The following TRIM33 variants were observed in gnomAD, a reference collection of about 807,000 sequenced individuals.
TRIM33 encodes the protein E3 ubiquitin-protein ligase TRIM33.
Under a neutral mutation model 125.4 loss-of-function variants are expected in TRIM33, and 20 were observed. That is an observed-to-expected ratio of 0.16 (90% CI 0.11 to 0.23). TRIM33 has a LOEUF of 0.23. TRIM33 is among the 10% of genes least tolerant of loss of function. The probability of loss-of-function intolerance (pLI) is 1.00; values close to 1 mark genes in which losing one functional copy is unlikely to be tolerated. For synonymous variants in TRIM33, 564 were observed against 513.9 expected (o/e 1.10, Z -1.32); for missense variants, 920 against 1,411.4 (o/e 0.65, Z 5.58).
intron 1 of TRIM33, among the ~76,000 whole-genome samples, chr1:114,494,923 G>C (rs980199607): frequency 6.6e-6 from 1 of 152,088 alleles, no homozygotes; most frequent in African/African-American, 2.4e-5. Flanking sequence ...TGTTGTTGTT[G>C]TTGTTATTGT....
chr1:114,408,378 G>A (rs1652381441), intron 13 of TRIM33, among the ~76,000 whole-genome samples: 1 of 152,072 alleles, frequency 6.6e-6, no homozygotes, highest in Non-Finnish European at 1.5e-5. Flanking sequence ...ATTAAAGAAT[G>A]AGTTGTTAAA....
rs1652399748 is a variant in TRIM33, at chr1:114,408,706, T to C, written c.2229A>G (p.Pro743=). 2 of 1,605,068 alleles carry C rather than the reference T, an allele frequency of 1.2e-6. No homozygotes were observed. The highest frequency in any genetic ancestry group is 1.7e-6 in the Non-Finnish European group (2 of 1,175,232). Reference sequence around the variant, plus strand: ...CTCGACTGCCAGTACTAGAAGTACTTGGGGGTCTCACAGGTGTGTGAGAAT... The same window carrying C: ...CTCGACTGCCAGTACTAGAAGTACTCGGGGGTCTCACAGGTGTGTGAGAAT... The part of the protein sequence containing the change: ...LSNSHTPVRP[P]STSSTGSRGS... Residue 743 remains proline (P), a synonymous_variant, in exon 13 of 20, where the codon CCA becomes CCG. Transcript: ENST00000358465.
intron 1 of TRIM33, among the ~76,000 whole-genome samples, chr1:114,507,352 T>A (rs1337073760): frequency 1.3e-5 from 2 of 152,138 alleles, no homozygotes; most frequent in Admixed American, 1.3e-4. Context: ...GGAACCACAC[T>A]CTGAGAACTG....
chr1:114,447,770 A>G (rs1251548890), intron 4 of TRIM33, among the ~76,000 whole-genome samples: 1 of 152,272 alleles, frequency 6.6e-6, no homozygotes, highest in Non-Finnish European at 1.5e-5. Context: ...AGCCAAGTAC[A>G]TAAATGTGTT....
intron 4 of TRIM33, among the ~76,000 whole-genome samples, chr1:114,445,221 T>A (rs530716178): frequency 6.6e-6 from 1 of 152,232 alleles, no homozygotes; most frequent in East Asian, 1.9e-4. Flanking sequence ...GTAACTGAAG[T>A]CCTAGGAGAC....
chr1:114,405,970 A>G (rs1652205147), intron 14 of TRIM33, among the ~76,000 whole-genome samples: 1 of 152,314 alleles, frequency 6.6e-6, no homozygotes, highest in Non-Finnish European at 1.5e-5. Flanking sequence ...CTCCTCTGAT[A>G]ATGTCTCACT....
chr1:114,408,829 A>T, intron 12 of TRIM33, 89 bp from the exon 13 acceptor site: 1 of 896,038 alleles, frequency 1.1e-6, no homozygotes, highest in Non-Finnish European at 1.7e-6. Context: ...GATTATTATA[A>T]CCCAGCTAAA....
chr1:114,481,260 T>C (rs914441917), intron 1 of TRIM33, among the ~76,000 whole-genome samples: 3 of 152,160 alleles, frequency 2.0e-5, no homozygotes, highest in East Asian at 1.9e-4. Flanking sequence ...ATACATCAGA[T>C]ACATGTAACA....
At chr1:114,412,760 G>A (rs1467178790) in intron 11 of TRIM33, among the ~76,000 whole-genome samples, 1 of 152,030 alleles carries the variant, frequency 6.6e-6, no homozygotes, top group East Asian at 1.9e-4. Flanking sequence ...ATTTGCAGGT[G>A]GATATTTGGG....
In TRIM33 at chr1:114,511,024, C is replaced by A; in HGVS notation, c.53G>T (p.Gly18Val). 7.6e-7 allele frequency: 1 copy of A among 1,319,174 alleles called. No individual in the cohort carries two copies. Among genetic ancestry groups the A allele is most frequent in the Non-Finnish European group, 9.7e-7 (1 of 1,033,934 alleles). 81.7% of individuals were successfully genotyped at this position (1,319,174 alleles called of 1,614,324 possible). Reference sequence around the variant, plus strand: ...GGCCCCGGCAGTTACCGGCGCGCTGCCGCTGCCCCCGCCGCCGCTCTCAGC... The same window carrying A: ...GGCCCCGGCAGTTACCGGCGCGCTGACGCTGCCCCCGCCGCCGCTCTCAGC... ...GEAESGGGGSGSAPVTAGAAG... is the reference protein window; with the variant it reads ...GEAESGGGGSVSAPVTAGAAG... Residue 18 changes from glycine to valine, a missense_variant, in exon 1 of 20, where the codon GGC becomes GTC. By Grantham distance (109) the Gly-to-Val change is moderately radical. Transcript: ENST00000358465.
intron 8 of TRIM33, 112 bp downstream of exon 8, chr1:114,427,065 A>C (rs1327040658): frequency 5.5e-6 from 3 of 543,692 alleles, no homozygotes; most frequent in Non-Finnish European, 1.0e-5. Context: ...TTTACATAAA[A>C]TGTAAAACAT....
chr1:114,432,041 TA>T (rs940337639), intron 5 of TRIM33, among the ~76,000 whole-genome samples: 3 of 152,134 alleles, frequency 2.0e-5, no homozygotes, highest in Non-Finnish European at 2.9e-5. Context: ...AAATGTACAT[TA>T]AAAAATAATG....
chr1:114,499,783 C>T (rs1021603983), intron 1 of TRIM33, among the ~76,000 whole-genome samples: 1 of 152,084 alleles, frequency 6.6e-6, no homozygotes. Context: ...AATGAGCAGG[C>T]AGAAGCAAGC....
chr1:114,494,667 A>G (rs1212637957), intron 1 of TRIM33, among the ~76,000 whole-genome samples: 1 of 152,198 alleles, frequency 6.6e-6, no homozygotes, highest in African/African-American at 2.4e-5. Flanking sequence ...AACTACAAAA[A>G]ATGATATTCA....
At chr1:114,503,457 G>A (rs999546922) in intron 1 of TRIM33, among the ~76,000 whole-genome samples, 1 of 152,072 alleles carries the variant, frequency 6.6e-6, no homozygotes, top group Non-Finnish European at 1.5e-5. Flanking sequence ...CAGTGTGGGT[G>A]ACAAAGCAAG....
chr1:114,462,266 T>C (rs1220925053), intron 4 of TRIM33, among the ~76,000 whole-genome samples: 2 of 152,192 alleles, frequency 1.3e-5, no homozygotes, highest in Non-Finnish European at 2.9e-5. Context: ...GATTACTGTA[T>C]CCCCTCTTTA....
At chr1:114,451,851 T>A (rs938499948) in intron 4 of TRIM33, among the ~76,000 whole-genome samples, 1 of 152,124 alleles carries the variant, frequency 6.6e-6, no homozygotes, top group Non-Finnish European at 1.5e-5. Context: ...AGCAATTATT[T>A]TAATTTAAAC....
At chr1:114,475,347 C>A (rs1333443666) in intron 1 of TRIM33, among the ~76,000 whole-genome samples, 1 of 152,170 alleles carries the variant, frequency 6.6e-6, no homozygotes, top group African/African-American at 2.4e-5. Context: ...TAAAACCATG[C>A]AAAGCACATC....
At chr1:114,506,337 C>T (rs1238536392) in intron 1 of TRIM33, among the ~76,000 whole-genome samples, 1 of 148,998 alleles carries the variant, frequency 6.7e-6, no homozygotes, top group Non-Finnish European at 1.5e-5. Context: ...GAGCCGAGAT[C>T]GCACCATTGC....
Sources: allele counts gnomAD v4.1 joint callset (sites outside exome capture counted in the v4.1 genomes callset), GRCh38; gene constraint gnomAD v4.1.1; transcripts MANE v1.5; gene names NCBI Gene and HGNC (gene_info 2026-07-23, HGNC 2026-07-21).